The following RAB3C variants were observed in gnomAD, a reference collection of about 807,000 sequenced individuals.
The protein encoded by RAB3C is ras-related protein Rab-3C.
Under a neutral mutation model 26.4 loss-of-function variants are expected in RAB3C, and 17 were observed. The observed-to-expected ratio is 0.64, with a 90% CI of 0.44 to 0.97. RAB3C has a LOEUF of 0.97. Ranked by LOEUF, RAB3C falls within the 50% of genes least tolerant of loss-of-function variation. The probability of loss-of-function intolerance (pLI) is 0.00; values close to 1 mark genes in which losing one functional copy is unlikely to be tolerated. For synonymous variants in RAB3C, 91 were observed against 95.9 expected (o/e 0.95, Z 0.30); for missense variants, 242 against 281.9 (o/e 0.86, Z 1.01).
chr5:58,597,667 TATATA>T (rs1418716331), intron 1 of RAB3C, among the ~76,000 whole-genome samples: 1 of 135,618 alleles, frequency 7.4e-6, no homozygotes, highest in Non-Finnish European at 1.5e-5. Context: ...TATATATAAG[TATATA>T]ATATAATATA....
chr5:58,777,364 G>A (rs1410512655), intron 3 of RAB3C, among the ~76,000 whole-genome samples: 1 of 152,114 alleles, frequency 6.6e-6, no homozygotes, highest in African/African-American at 2.4e-5. Flanking sequence ...ATGCCAGGGT[G>A]TTCTGTGTTC....
At chr5:58,614,250 A>T (rs1036095430) in intron 1 of RAB3C, among the ~76,000 whole-genome samples, 3 of 152,082 alleles carry the variant, frequency 2.0e-5, no homozygotes, top group African/African-American at 7.2e-5. Flanking sequence ...GTATTTAGAG[A>T]TATCAGTAAA....
At chr5:58,634,539 A>T (rs953217106) in intron 2 of RAB3C, among the ~76,000 whole-genome samples, 1 of 152,218 alleles carries the variant, frequency 6.6e-6, no homozygotes, top group African/African-American at 2.4e-5. Flanking sequence ...TTAACACAGA[A>T]CCTCATAAAT....
At chr5:58,676,845 A>C (rs1320933383) in intron 2 of RAB3C, among the ~76,000 whole-genome samples, 1 of 152,162 alleles carries the variant, frequency 6.6e-6, no homozygotes, top group Non-Finnish European at 1.5e-5. Context: ...TTAGGTACTC[A>C]AAATTATCAA....
intron 2 of RAB3C, among the ~76,000 whole-genome samples, chr5:58,675,615 CTTTT>C (rs1195191076): frequency 1.1e-5 from 1 of 89,394 alleles, no homozygotes; most frequent in Non-Finnish European, 2.4e-5. Context: ...GGCCATTTGT[CTTTT>C]TTTTTTTTTT....
intron 3 of RAB3C, among the ~76,000 whole-genome samples, chr5:58,753,843 G>A (rs1042418852): frequency 3.3e-5 from 5 of 152,186 alleles, no homozygotes; most frequent in South Asian, 4.1e-4. Flanking sequence ...GAGACCTGGA[G>A]GCAAGAACCA....
At chr5:58,673,025 A>T (rs1256188393) in intron 2 of RAB3C, among the ~76,000 whole-genome samples, 1 of 152,068 alleles carries the variant, frequency 6.6e-6, no homozygotes, top group East Asian at 1.9e-4. Flanking sequence ...TGGTAAACAG[A>T]TCAGATTCTT....
chr5:58,621,195 A>G (rs973717731), intron 2 of RAB3C, among the ~76,000 whole-genome samples: 2 of 152,252 alleles, frequency 1.3e-5, no homozygotes, highest in African/African-American at 4.8e-5. Context: ...AAAAGAGGCA[A>G]AATGGTTTCA....
intron 3 of RAB3C, among the ~76,000 whole-genome samples, chr5:58,735,815 T>G (rs1244408726): frequency 1.3e-5 from 2 of 152,192 alleles, no homozygotes. Flanking sequence ...CTAACTCTTT[T>G]GCAAGGTAAG....
At chr5:58,739,902 A>G (rs1741240481) in intron 3 of RAB3C, among the ~76,000 whole-genome samples, 1 of 152,260 alleles carries the variant, frequency 6.6e-6, no homozygotes, top group African/African-American at 2.4e-5. Context: ...TTTCTACAGC[A>G]TATTGAAAGC....
intron 3 of RAB3C, among the ~76,000 whole-genome samples, chr5:58,806,846 C>T (rs1478780729): frequency 6.6e-6 from 1 of 152,104 alleles, no homozygotes; most frequent in African/African-American, 2.4e-5. Flanking sequence ...ATACTGGTAC[C>T]TTTAGCCTAC....
chr5:58,793,704 C>A (rs1218559170), intron 3 of RAB3C, among the ~76,000 whole-genome samples: 3 of 151,578 alleles, frequency 2.0e-5, no homozygotes, highest in African/African-American at 7.3e-5. Flanking sequence ...GATTTCTGAA[C>A]CTTATCTCTG....
At chr5:58,697,018 G>A (rs1748714971) in intron 2 of RAB3C, among the ~76,000 whole-genome samples, 1 of 152,114 alleles carries the variant, frequency 6.6e-6, no homozygotes, top group Non-Finnish European at 1.5e-5. Context: ...TGATGTTAGG[G>A]TGTCGATTTT....
intron 4 of RAB3C, among the ~76,000 whole-genome samples, chr5:58,835,290 C>T (rs1743719276): frequency 6.6e-6 from 1 of 152,186 alleles, no homozygotes; most frequent in African/African-American, 2.4e-5. Flanking sequence ...TTAACCAACT[C>T]CACTAATCTA....
intron 2 of RAB3C, among the ~76,000 whole-genome samples, chr5:58,657,486 A>G (rs1747807801): frequency 6.6e-6 from 1 of 152,176 alleles, no homozygotes; most frequent in African/African-American, 2.4e-5. Context: ...TGAAGATTGG[A>G]AGAACAACAT....
At chr5:58,731,543 C>T (rs1390030632) in intron 3 of RAB3C, among the ~76,000 whole-genome samples, 1 of 152,056 alleles carries the variant, frequency 6.6e-6, no homozygotes, top group African/African-American at 2.4e-5. Flanking sequence ...TTGGGACATA[C>T]AGGGCCTGGA....
At chr5:58,840,932 C>T (rs141835507) in intron 4 of RAB3C, among the ~76,000 whole-genome samples, 392 of 152,286 alleles carry the variant, frequency 2.6e-3, no homozygotes, top group African/African-American at 9.1e-3. Context: ...GCTTGTCTGA[C>T]CTAGAATTGT....
intron 1 of RAB3C, among the ~76,000 whole-genome samples, chr5:58,615,366 AAAGGTAAAATAATCTTCTT>A (rs1746801678): frequency 6.6e-6 from 1 of 152,166 alleles, no homozygotes; most frequent in South Asian, 2.1e-4. Flanking sequence ...TCATATGAAA[AAAGGTAAAATAATCTTCTT>A]AATGAAGGCC....
chr5:58,729,296 A>G (rs1022661066), intron 3 of RAB3C, among the ~76,000 whole-genome samples: 33 of 151,794 alleles, frequency 2.2e-4, no homozygotes, highest in African/African-American at 6.3e-4. Context: ...TGTCTTAACC[A>G]TTTTTTCTGT....
Sources: allele counts gnomAD v4.1 joint callset (sites outside exome capture counted in the v4.1 genomes callset), GRCh38; gene constraint gnomAD v4.1.1; transcripts MANE v1.5; gene names NCBI Gene and HGNC (gene_info 2026-07-23, HGNC 2026-07-21).